The following CEP112 variants were observed in gnomAD, a reference collection of about 807,000 sequenced individuals.
CEP112 encodes centrosomal protein 112.
Under a neutral mutation model 153.0 loss-of-function variants are expected in CEP112, and 127 were observed. That is an observed-to-expected ratio of 0.83 (90% CI 0.72 to 0.96). The LOEUF (loss-of-function observed/expected upper bound fraction) is 0.96, where lower values mean the gene tolerates loss of function less well. Among genes scored for constraint, CEP112 ranks in the 40% least tolerant of loss-of-function variants. The pLI is 0.00. For missense variants in CEP112, 1,089 were observed against 1,101.2 expected, an observed-to-expected ratio of 0.99 and a Z score of 0.16; for synonymous variants, 358 against 374.4, an observed-to-expected ratio of 0.96 and a Z score of 0.51.
At chr17:66,109,500 A>C (rs1293836681) in intron 6 of CEP112, among the ~76,000 whole-genome samples, 1 of 152,190 alleles carries the variant, frequency 6.6e-6, no homozygotes, top group Non-Finnish European at 1.5e-5. Flanking sequence ...TTCTGAAATG[A>C]GTAAAAATCA....
intron 22 of CEP112, among the ~76,000 whole-genome samples, chr17:65,750,081 C>T (rs1598463746): frequency 1.3e-5 from 2 of 152,240 alleles, no homozygotes. Flanking sequence ...CATCATATTT[C>T]AAATAGAGAC....
chr17:66,078,456 T>C (rs995026693), intron 8 of CEP112, among the ~76,000 whole-genome samples: 2 of 151,692 alleles, frequency 1.3e-5, no homozygotes, highest in South Asian at 4.2e-4. Flanking sequence ...CGGGGTTTCA[T>C]CAGATTGGCC....
intron 18 of CEP112, among the ~76,000 whole-genome samples, chr17:65,936,528 T>C (rs1183156968): frequency 5.3e-5 from 8 of 152,036 alleles, no homozygotes; most frequent in East Asian, 1.9e-4. Flanking sequence ...AATAAAATAC[T>C]AGCAATAAAA....
intron 26 of CEP112, 107 bp downstream of exon 26, chr17:65,637,017 T>C: frequency 1.2e-6 from 1 of 847,518 alleles, no homozygotes; most frequent in South Asian, 1.6e-5. Context: ...TTTCAAAACT[T>C]GTATTATATC....
chr17:65,878,259 T>C (rs1247900570), intron 20 of CEP112, among the ~76,000 whole-genome samples: 4 of 152,166 alleles, frequency 2.6e-5, no homozygotes, highest in Non-Finnish European at 5.9e-5. Context: ...GATGTGTCAA[T>C]TAGCTTGATT....
At chr17:65,725,201 T>C (rs1307542486) in intron 23 of CEP112, among the ~76,000 whole-genome samples, 1 of 152,168 alleles carries the variant, frequency 6.6e-6, no homozygotes, top group Non-Finnish European at 1.5e-5. Context: ...GGGGTGGGGA[T>C]ATGGGGTCCC....
chr17:66,178,767 T>C (rs953224955), intron 2 of CEP112, among the ~76,000 whole-genome samples: 1 of 152,180 alleles, frequency 6.6e-6, no homozygotes, highest in Admixed American at 6.5e-5. Context: ...TTCTTCTGTA[T>C]ACGGATATTG....
At chr17:65,750,300 T>C (rs746174065) in intron 22 of CEP112, among the ~76,000 whole-genome samples, 18 of 152,180 alleles carry the variant, frequency 1.2e-4, no homozygotes, top group Non-Finnish European at 2.4e-4. Context: ...AAAGCACAGA[T>C]AGTACCAAAC....
rs62065109 is a variant in CEP112, at chr17:65,858,100, G to A, written c.2164-6066C>T. ...CATACGTTATTTTTATACATTATTG[G>A]ACTTGATTTGCTAATAATTCCAGAT... On this transcript the variant is annotated intron_variant, in intron 20 of 26. Coordinates refer to ENST00000535342, the MANE Select transcript of CEP112 (RefSeq NM_001199165.4). Among the ~76,000 whole-genome samples, 627 of 152,142 alleles carry A rather than the reference G, an allele frequency of 4.1e-3. 1 individual carries two copies. The highest frequency in any genetic ancestry group is 7.0e-3 in the Non-Finnish European group (474 of 67,962).
chr17:66,135,784 C>T (rs9911603), intron 4 of CEP112, among the ~76,000 whole-genome samples: 8,824 of 151,760 alleles, frequency 0.058, 271 homozygotes, highest in East Asian at 0.072. Flanking sequence ...ATTCTTAATA[C>T]TAGAAAAATA....
At chr17:65,679,570 T>C (rs906110070) in intron 24 of CEP112, among the ~76,000 whole-genome samples, 3 of 152,156 alleles carry the variant, frequency 2.0e-5, no homozygotes, top group African/African-American at 7.2e-5. Context: ...TTATGGAAAA[T>C]GAAAATTAAA....
At chr17:66,189,502 C>CAAA (rs36115506) in intron 1 of CEP112, among the ~76,000 whole-genome samples, 1 of 119,962 alleles carries the variant, frequency 8.3e-6, no homozygotes, top group Non-Finnish European at 1.7e-5. Context: ...AACTCTGTCT[C>CAAA]AAAAAAAAAA....
chr17:66,034,970 T>TTTTTTGTGTGTGTGTGTGTGTG (rs1555777524), intron 12 of CEP112, among the ~76,000 whole-genome samples: 41 of 96,722 alleles, frequency 4.2e-4, no homozygotes, highest in Admixed American at 3.3e-3. Context: ...AGCTAAGTTT[T>TTTTTTGTGTGTGTGTGTGTGTG]TGCATGTATA....
chr17:65,963,285 T>C (rs117959042), intron 17 of CEP112, among the ~76,000 whole-genome samples: 1,798 of 149,800 alleles, frequency 0.012, 19 homozygotes, highest in Non-Finnish European at 0.021. Context: ...CGGGGGTGGG[T>C]AATTTAACTC....
At chr17:66,080,775 A>G (rs1485008327) in intron 8 of CEP112, among the ~76,000 whole-genome samples, 1 of 152,266 alleles carries the variant, frequency 6.6e-6, no homozygotes, top group Non-Finnish European at 1.5e-5. Flanking sequence ...ATGCCCATCA[A>G]TGATAGACTG....
chr17:66,183,386 A>G (rs2072796704), intron 1 of CEP112, 79 bp from the exon 2 acceptor site: 1 of 991,276 alleles, frequency 1.0e-6, no homozygotes, highest in African/African-American at 1.7e-5. Context: ...GATAAAAAAA[A>G]CTCTTAAGTG....
chr17:66,020,971 T>C (rs535783373), intron 16 of CEP112, among the ~76,000 whole-genome samples: 7 of 152,072 alleles, frequency 4.6e-5, no homozygotes, highest in Non-Finnish European at 1.0e-4. Flanking sequence ...AGACAGTGGC[T>C]AGGTCTGGTT....
chr17:66,006,236 G>C (rs1036897), intron 16 of CEP112, among the ~76,000 whole-genome samples: 152,052 of 152,216 alleles, frequency 1, 75,944 homozygotes, highest in Middle Eastern at 1. Flanking sequence ...CCCACTCCCC[G>C]CACCATGCCT....
At chr17:65,708,922 G>A (rs1194868460) in intron 23 of CEP112, among the ~76,000 whole-genome samples, 1 of 152,104 alleles carries the variant, frequency 6.6e-6, no homozygotes, top group African/African-American at 2.4e-5. Context: ...ACTAAGATTG[G>A]ACTGGATGTG....
Sources: allele counts gnomAD v4.1 joint callset (sites outside exome capture counted in the v4.1 genomes callset), GRCh38; gene constraint gnomAD v4.1.1; transcripts MANE v1.5; gene names NCBI Gene and HGNC (gene_info 2026-07-23, HGNC 2026-07-21).